SLC22A14: variants seen among roughly 807,000 people sequenced by gnomAD.
The protein encoded by SLC22A14 is solute carrier family 22 member 14.
In SLC22A14, 50 loss-of-function variants were observed where a neutral mutation model predicts 53.9. The ratio of observed to expected loss-of-function variants is 0.93; its 90% CI spans 0.74 to 1.17. SLC22A14 has a LOEUF of 1.17. Ranked by LOEUF, SLC22A14 falls within the 50% of genes most tolerant of loss-of-function variation. The probability of loss-of-function intolerance (pLI) is 0.00; values close to 1 mark genes in which losing one functional copy is unlikely to be tolerated. For missense variants in SLC22A14, 671 were observed against 734.7 expected (o/e 0.91, Z 1.00); for synonymous variants, 312 against 303.0 (o/e 1.03, Z -0.31).
At chr3:38,300,810 T>C (rs1704142093) in intron 1 of SLC22A14, among the ~76,000 whole-genome samples, 1 of 152,204 alleles carries the variant, frequency 6.6e-6, no homozygotes, top group African/African-American at 2.4e-5. Context: ...GACAAGCTGG[T>C]ACAATGCGGT....
intron 1 of SLC22A14, among the ~76,000 whole-genome samples, chr3:38,296,375 A>G (rs1396292985): frequency 2.0e-5 from 3 of 150,838 alleles, no homozygotes; most frequent in African/African-American, 7.3e-5. Context: ...CCCTTCCCCA[A>G]ACAGCCTCAC....
Position 38,315,622 on chromosome 3 carries a change from C to T in SLC22A14, c.1443C>T (p.Ile481=), listed in dbSNP as rs140385838. The change falls in exon 9 of 11, where the codon ATC becomes ATT. Residue 481 remains isoleucine, a synonymous_variant. Coordinates refer to ENST00000448498, the MANE Select transcript of SLC22A14 (RefSeq NM_001320033.2). ...CCACAGAGCTGAAATCCATGACGAT[C>T]TTGGTGCTCATGCTCAGAGAGTTCA... The part of the protein sequence containing the change: ...CPATELKSMT[I]LVLMLREFSL... 2.2e-5 allele frequency: 35 copies of T among 1,614,164 alleles called. No homozygotes were observed. Among genetic ancestry groups the T allele is most frequent in the Middle Eastern group, 3.3e-4 (2 of 6,062 alleles).
intron 1 of SLC22A14, chr3:38,305,045 C>T (rs1704264656): frequency 6.6e-6 from 1 of 152,202 alleles, no homozygotes; most frequent in South Asian, 2.1e-4. Flanking sequence ...GTTCAACAAG[C>T]TTTCATTTTT....
At chr3:38,305,961 A>T (rs1280442958) in intron 1 of SLC22A14, 66 bp from the exon 2 acceptor site, 2 of 1,514,790 alleles carry the variant, frequency 1.3e-6, no homozygotes, top group Non-Finnish European at 1.8e-6. Flanking sequence ...GGTGGCTCCC[A>T]TGCTGGTCTC....
At chr3:38,317,626 G>T (rs1361315063) in intron 10 of SLC22A14, among the ~76,000 whole-genome samples, 1 of 152,182 alleles carries the variant, frequency 6.6e-6, no homozygotes, top group South Asian at 2.1e-4. Flanking sequence ...CCTAGTGTGT[G>T]CACGGAGAAG....
chr3:38,292,556 C>A (rs1703936974), intron 1 of SLC22A14, among the ~76,000 whole-genome samples: 1 of 152,052 alleles, frequency 6.6e-6, no homozygotes, highest in Admixed American at 6.5e-5. Flanking sequence ...TTTTACTAGG[C>A]CTTGGGCTTT....
chr3:38,305,458 G>C (rs1704275282), intron 1 of SLC22A14: 1 of 153,008 alleles, frequency 6.5e-6, no homozygotes, highest in Admixed American at 6.5e-5. Context: ...GCTGTTGCAA[G>C]GTAATATGCT....
intron 1 of SLC22A14, among the ~76,000 whole-genome samples, chr3:38,288,468 A>G (rs1369533528): frequency 6.6e-6 from 1 of 152,222 alleles, no homozygotes; most frequent in Non-Finnish European, 1.5e-5. Flanking sequence ...TGTTGGATCA[A>G]ATGGTACTCC....
At chr3:38,316,143 C>T (rs140799002) in intron 9 of SLC22A14, among the ~76,000 whole-genome samples, 181 bp from the exon 10 acceptor site, 3 of 152,356 alleles carry the variant, frequency 2.0e-5, no homozygotes, top group African/African-American at 4.8e-5. Flanking sequence ...ATGGTTTCTG[C>T]CTCTCCCCCT....
rs1015857848 is a variant in SLC22A14, at chr3:38,307,852, A to C, written c.775+132A>C. 1.0e-6 allele frequency: 1 copy of C among 993,776 alleles called. No homozygotes were observed. Among genetic ancestry groups the C allele is most frequent in the Non-Finnish European group, 1.5e-6 (1 of 657,806 alleles). 61.6% of individuals were successfully genotyped at this position (993,776 alleles called of 1,614,324 possible). A position where few individuals can be genotyped will look rare whatever the true frequency, so the allele number is the denominator to read the frequency against. On this transcript the variant is annotated intron_variant, in intron 4 of 10. Coordinates refer to ENST00000448498, the MANE Select transcript of SLC22A14 (RefSeq NM_001320033.2). This position sits in a 1 kb window ranked among gnomAD's most constrained non-coding sequence, Gnocchi z 4.4. Reference sequence around the variant, plus strand: ...GGCAAGGGGGCGTGGTGTAGCTGTAAGAGGGCATGGCGGGGGTGTGGCAGC... The same window carrying C: ...GGCAAGGGGGCGTGGTGTAGCTGTACGAGGGCATGGCGGGGGTGTGGCAGC...
chr3:38,287,524 C>A (rs891168103), intron 1 of SLC22A14, among the ~76,000 whole-genome samples: 1 of 152,126 alleles, frequency 6.6e-6, no homozygotes, highest in African/African-American at 2.4e-5. Context: ...ATGCCACTCC[C>A]CTCTCAGATA....
rs538261077 is a variant in SLC22A14, at chr3:38,290,943, C to T, written c.-1+8604C>T. 7.9e-5 allele frequency among the ~76,000 whole-genome samples: 12 copies of T among 152,264 alleles called. No homozygotes were observed. In the South Asian group the frequency reaches 1.5e-3, roughly 18 times the overall value. Reference sequence around the variant, plus strand: ...ACTGCCACCTCTTTAGGTTTCTGTACAGCCAATAATAATCTCCTAGTGGCT... The same window carrying T: ...ACTGCCACCTCTTTAGGTTTCTGTATAGCCAATAATAATCTCCTAGTGGCT... On this transcript the variant is annotated intron_variant, in intron 1 of 10. Transcript: ENST00000448498.
chr3:38,307,867 G>T lies in SLC22A14; in HGVS notation c.775+147G>T. ...TGTAGCTGTAAGAGGGCATGGCGGG[G>T]GTGTGGCAGCGTGGGCATCTGCTGG... On this transcript the variant is annotated intron_variant, in intron 4 of 10. Transcript: ENST00000448498. This position sits in a 1 kb window ranked among gnomAD's most constrained non-coding sequence, Gnocchi z 4.4. 2.3e-6 allele frequency: 2 copies of T among 856,078 alleles called. No individual in the cohort carries two copies. Among genetic ancestry groups the T allele is most frequent in the South Asian group, 1.6e-5 (1 of 62,404 alleles). The allele number at this position is 856,078 out of a possible 1,614,324, so 53.0% of individuals were successfully genotyped here. A position where few individuals can be genotyped will look rare whatever the true frequency, so the allele number is the denominator to read the frequency against.
chr3:38,318,487 G>T lies in SLC22A14; in HGVS notation c.*238G>T. On this transcript the variant is annotated 3_prime_UTR_variant, in exon 11 of 11. Transcript: ENST00000448498. ...GGGGCAGGGTCAGTCCTTCTCCCAG[G>T]CCAGCCCTTGACATTAAAAAAAATG... 1 of 425,352 alleles carries T rather than the reference G, an allele frequency of 2.4e-6. No individual in the cohort carries two copies. 26.3% of individuals were successfully genotyped at this position (425,352 alleles called of 1,614,324 possible).
chr3:38,301,107 C>T (rs1704150556), intron 1 of SLC22A14, among the ~76,000 whole-genome samples: 1 of 152,186 alleles, frequency 6.6e-6, no homozygotes, highest in Admixed American at 6.5e-5. Context: ...GCATGAGCCA[C>T]TGCACCTGGC....
upstream of SLC22A14, among the ~76,000 whole-genome samples, chr3:38,281,100 C>A (rs551521871): frequency 7.9e-5 from 12 of 152,210 alleles, no homozygotes; most frequent in African/African-American, 2.9e-4. Context: ...GATGAGGGGC[C>A]TAGGACCAAC....
chr3:38,296,692 G>A (rs1191868629), intron 1 of SLC22A14, among the ~76,000 whole-genome samples: 1 of 152,158 alleles, frequency 6.6e-6, no homozygotes, highest in Non-Finnish European at 1.5e-5. Context: ...ATGGAACCTT[G>A]GGCCATGCAG....
intron 1 of SLC22A14, among the ~76,000 whole-genome samples, chr3:38,286,841 C>A (rs1703804783): frequency 6.6e-6 from 1 of 152,100 alleles, no homozygotes; most frequent in Admixed American, 6.5e-5. Flanking sequence ...AGGTGATTCT[C>A]CTACCACAGC....
Position 38,313,454 on chromosome 3 carries a change from T to G in SLC22A14, c.1132T>G (p.Cys378Gly). 6.2e-7 allele frequency: 1 copy of G among 1,613,614 alleles called. No homozygotes were observed. The highest frequency in any genetic ancestry group is 8.5e-7 in the Non-Finnish European group (1 of 1,179,522). Residue 378 changes from cysteine (C) to glycine (G), a missense_variant, in exon 7 of 11, where the codon TGC (cysteine) becomes GGC (glycine). Cys to Gly is a radical substitution (Grantham distance 159). Transcript: ENST00000448498. ...VLDFCKNRQL[C>G]KVTLVMSCVW... ...GGACTTCTGTAAGAATAGGCAGCTCTGCAAGGTGACCTTGGTGATGAGCTG... is the reference window on the plus strand; with the variant it reads ...GGACTTCTGTAAGAATAGGCAGCTCGGCAAGGTGACCTTGGTGATGAGCTG...
Sources: allele counts gnomAD v4.1 joint callset (sites outside exome capture counted in the v4.1 genomes callset), GRCh38; gene constraint gnomAD v4.1.1; non-coding constraint Gnocchi (gnomAD v3.1); transcripts MANE v1.5; gene names NCBI Gene and HGNC (gene_info 2026-07-23, HGNC 2026-07-21).